The following YTHDC1 variants were observed in gnomAD, a reference collection of about 807,000 sequenced individuals.
YTHDC1 encodes YTH domain-containing protein 1.
YTHDC1 carries 12 observed loss-of-function variants against 107.0 expected under a neutral mutation model. The ratio of observed to expected loss-of-function variants is 0.11; its 90% confidence interval spans 0.07 to 0.18. The LOEUF is 0.18. Among genes scored for constraint, YTHDC1 ranks in the 10% least tolerant of loss-of-function variants. The probability of loss-of-function intolerance (pLI) is 1.00; values close to 1 mark genes in which losing one functional copy is unlikely to be tolerated. For missense variants in YTHDC1, 635 were observed against 898.8 expected (o/e 0.71, Z 3.75); for synonymous variants, 280 against 289.5 (o/e 0.97, Z 0.33).
rs757950943 is a variant in YTHDC1, at chr4:68,338,280, T to C, written c.130+3A>G. On this transcript the variant is annotated splice_donor_region_variant and intron_variant, in intron 2 of 16. Transcript: ENST00000344157. The stretch of plus-strand genomic sequence containing the variant: ...CAACAAAAATAATAGAACTCTTACA[T>C]ACCCTTTTTCTCATTTTTATCTTGT... The C allele has an allele frequency of 1.9e-6, 3 of 1,596,286 alleles. No homozygotes were observed. The East Asian group carries it at 6.7e-5, about 36-fold the overall frequency.
chr4:68,333,441 C>A, intron 4 of YTHDC1, 44 bp from the exon 5 acceptor site: 1 of 1,380,400 alleles, frequency 7.2e-7, no homozygotes, highest in Non-Finnish European at 1.0e-6. Flanking sequence ...AATACAGAAA[C>A]GAAGAGAAGT....
intron 1 of YTHDC1, among the ~76,000 whole-genome samples, chr4:68,347,713 T>A (rs538264082): frequency 5.6e-4 from 86 of 152,330 alleles, no homozygotes; most frequent in African/African-American, 2.0e-3. Flanking sequence ...TTTATCCTTA[T>A]AATTTCCTGT....
chr4:68,342,405 A>C (rs1373452612), intron 1 of YTHDC1, among the ~76,000 whole-genome samples: 1 of 152,106 alleles, frequency 6.6e-6, no homozygotes, highest in Non-Finnish European at 1.5e-5. Flanking sequence ...GTCCCAACAG[A>C]GACGGGAACA....
In YTHDC1 at chr4:68,349,822, G is replaced by A. The variant is rs969027698; in HGVS notation, c.-69C>T. 65 of 1,607,730 alleles carry A rather than the reference G, an allele frequency of 4.0e-5. No homozygotes were observed. The highest frequency in any genetic ancestry group is 6.7e-5 in the African/African-American group (5 of 74,850). Reference sequence around the variant, plus strand: ...AGACGCGACTCGCGCGGGCGCCGCAGCCGCGGCAGAAGCACGGGCCCGTCC... The same window carrying A: ...AGACGCGACTCGCGCGGGCGCCGCAACCGCGGCAGAAGCACGGGCCCGTCC... On this transcript the variant is annotated 5_prime_UTR_variant, in exon 1 of 17. Coordinates refer to ENST00000344157, the MANE Select transcript of YTHDC1 (RefSeq NM_001031732.4).
At chr4:68,316,765 TGAGA>T (rs1452184796) in intron 15 of YTHDC1, among the ~76,000 whole-genome samples, 2 of 152,192 alleles carry the variant, frequency 1.3e-5, no homozygotes, top group Middle Eastern at 3.2e-3. Context: ...AGCAACCTTA[TGAGA>T]TAGATACTAT....
chr4:68,331,911 A>C (rs1050039464), intron 7 of YTHDC1, among the ~76,000 whole-genome samples, 192 bp downstream of exon 7: 9 of 151,164 alleles, frequency 6.0e-5, no homozygotes, highest in Non-Finnish European at 1.0e-4. Context: ...ATCATCTTAA[A>C]AAAAAAAAAA....
At position 68,318,734 on chromosome 4, in the gene YTHDC1, T is replaced by C. The variant is rs1439241762; in HGVS notation, c.1722-5A>G. 2.5e-6 allele frequency: 4 copies of C among 1,614,034 alleles called. No homozygotes were observed. Among genetic ancestry groups the C allele is most frequent in the Non-Finnish European group, 2.5e-6 (3 of 1,180,028 alleles). ...CGGCGAACTCCTGAAAATCGTCTGT[T>C]GGGAATAAGATTTGTGAAACTAAAT... On this transcript the variant is annotated splice_region_variant and splice_polypyrimidine_tract_variant and intron_variant, in intron 13 of 16. Coordinates refer to ENST00000344157, the MANE Select transcript of YTHDC1 (RefSeq NM_001031732.4).
At position 68,322,961 on chromosome 4, in the gene YTHDC1, C is replaced by A; in HGVS notation, c.1435-46G>T. 1 of 1,582,510 alleles carries A rather than the reference C, an allele frequency of 6.3e-7. No individual in the cohort carries two copies. The highest frequency in any genetic ancestry group is 1.1e-5 in the South Asian group (1 of 87,526). On this transcript the variant is annotated intron_variant, in intron 10 of 16. Transcript: ENST00000344157. This position sits in a 1 kb window ranked among gnomAD's most constrained non-coding sequence, Gnocchi z 4.8. ...TTTATAAAACAAAAACAGACCCTTT[C>A]AACAGACTTGCATTTTCCTGATGTA...
rs1048515858 is a variant in YTHDC1 at position 68,313,041 on chromosome 4, T to C, written c.*1058A>G. 5.9e-5 allele frequency: 9 copies of C among 152,064 alleles called. No homozygotes were observed. Among genetic ancestry groups the C allele is most frequent in the Non-Finnish European group, 1.3e-4 (9 of 67,990 alleles). The allele number at this position is 152,064 out of a possible 1,614,324, so 9.4% of individuals were successfully genotyped here. A position where few individuals can be genotyped will look rare whatever the true frequency, so the allele number is the denominator to read the frequency against. On this transcript the variant is annotated 3_prime_UTR_variant, in exon 17 of 17. Coordinates refer to ENST00000344157, the MANE Select transcript of YTHDC1 (RefSeq NM_001031732.4). ...ACTTACAGAAGACTAAAACAACAAATAGAAAACCTAAATAAACGATTCTGT... is the reference window on the plus strand; with the variant it reads ...ACTTACAGAAGACTAAAACAACAAACAGAAAACCTAAATAAACGATTCTGT...
In YTHDC1 at chr4:68,310,692, A is replaced by C. The variant is rs935544689; in HGVS notation, c.*3407T>G. 8 of 151,280 alleles carry C rather than the reference A, an allele frequency of 5.3e-5. No homozygotes were observed. The highest frequency in any genetic ancestry group is 2.0e-4 in the Admixed American group (3 of 15,254). The allele number at this position is 151,280 out of a possible 1,614,324, so 9.4% of individuals were successfully genotyped here. A position where few individuals can be genotyped will look rare whatever the true frequency, so the allele number is the denominator to read the frequency against. ...ATTTGGAATGTTTCCTACCCAAATA[A>C]CAAAATCTTAAACATGAAGCTAAAA... On this transcript the variant is annotated 3_prime_UTR_variant, in exon 17 of 17. Transcript: ENST00000344157.
At chr4:68,347,776 A>C (rs760510381) in intron 1 of YTHDC1, among the ~76,000 whole-genome samples, 6 of 152,172 alleles carry the variant, frequency 3.9e-5, no homozygotes, top group Non-Finnish European at 7.4e-5. Context: ...TAAGAGAGGA[A>C]GACCTAAGTA....
At chr4:68,346,692 A>G (rs1308494884) in intron 1 of YTHDC1, among the ~76,000 whole-genome samples, 1 of 152,164 alleles carries the variant, frequency 6.6e-6, no homozygotes, top group African/African-American at 2.4e-5. Context: ...CACATATGGC[A>G]GTGTCAGTGT....
Position 68,311,494 on chromosome 4 carries a change from G to A in YTHDC1, c.*2605C>T, listed in dbSNP as rs1194174831. ...TGTAGATTGTTAGAATCACAGCACA[G>A]TGGAGTACACGAAAGAAACCATGTC... is the stretch of plus-strand genomic sequence containing the variant. On this transcript the variant is annotated 3_prime_UTR_variant, in exon 17 of 17. Transcript: ENST00000344157. 1.3e-5 allele frequency: 2 copies of A among 152,184 alleles called. No homozygotes were observed. Among genetic ancestry groups the A allele is most frequent in the Non-Finnish European group, 2.9e-5 (2 of 68,038 alleles). 9.4% of individuals were successfully genotyped at this position (152,184 alleles called of 1,614,324 possible). A position where few individuals can be genotyped will look rare whatever the true frequency, so the allele number is the denominator to read the frequency against.
intron 4 of YTHDC1, among the ~76,000 whole-genome samples, chr4:68,336,542 T>C (rs932216694): frequency 2.6e-5 from 4 of 152,192 alleles, no homozygotes; most frequent in African/African-American, 9.6e-5. Flanking sequence ...GCCAGTCAAC[T>C]GACAGACACA....
chr4:68,310,724 A>G lies in YTHDC1; in HGVS notation c.*3375T>C, dbSNP rs1423406166. On this transcript the variant is annotated 3_prime_UTR_variant, in exon 17 of 17. Coordinates refer to ENST00000344157, the MANE Select transcript of YTHDC1 (RefSeq NM_001031732.4). Reference sequence around the variant, plus strand: ...CTTAAACATGAAGCTAAAATTATCCATGTGTGTCACAGTCACCCTTACGTT... The same window carrying G: ...CTTAAACATGAAGCTAAAATTATCCGTGTGTGTCACAGTCACCCTTACGTT... The G allele has an allele frequency of 6.6e-6, 1 of 152,184 alleles. No homozygotes were observed. The highest frequency in any genetic ancestry group is 1.5e-5 in the Non-Finnish European group (1 of 68,040). The allele number at this position is 152,184 out of a possible 1,614,324, so 9.4% of individuals were successfully genotyped here. A position where few individuals can be genotyped will look rare whatever the true frequency, so the allele number is the denominator to read the frequency against.
chr4:68,346,799 G>T (rs1725493525), intron 1 of YTHDC1, among the ~76,000 whole-genome samples: 2 of 152,036 alleles, frequency 1.3e-5, no homozygotes, highest in African/African-American at 2.4e-5. Flanking sequence ...TATTGTTGTG[G>T]TTGATCTCTT....
chr4:68,319,798 G>A (rs1285170834), intron 12 of YTHDC1, among the ~76,000 whole-genome samples: 1 of 152,066 alleles, frequency 6.6e-6, no homozygotes, highest in African/African-American at 2.4e-5. Context: ...GGAACAAAAA[G>A]CCTGATAGAA....
At chr4:68,318,950 A>G (rs929492362) in intron 12 of YTHDC1, 88 bp from the exon 13 acceptor site, 1 of 1,369,358 alleles carries the variant, frequency 7.3e-7, no homozygotes, top group African/African-American at 1.4e-5. Flanking sequence ...ACTCGTTTCA[A>G]TTCTTTCCAT....
chr4:68,347,683 T>G (rs569598451), intron 1 of YTHDC1, among the ~76,000 whole-genome samples: 3 of 152,226 alleles, frequency 2.0e-5, no homozygotes, highest in Non-Finnish European at 4.4e-5. Flanking sequence ...GTTTGTGACA[T>G]GACTGAGATT....
Sources: allele counts gnomAD v4.1 joint callset (sites outside exome capture counted in the v4.1 genomes callset), GRCh38; gene constraint gnomAD v4.1.1; non-coding constraint Gnocchi (gnomAD v3.1); transcripts MANE v1.5; gene names NCBI Gene and HGNC (gene_info 2026-07-23, HGNC 2026-07-21).